RALGAPA2: variants seen among roughly 807,000 people sequenced by gnomAD.
The protein encoded by RALGAPA2 is Ral GTPase activating protein catalytic subunit alpha 2.
Under a neutral mutation model 230.4 loss-of-function variants are expected in RALGAPA2, and 139 were observed. That is an observed-to-expected ratio of 0.60 (90% CI 0.53 to 0.69). The LOEUF (loss-of-function observed/expected upper bound fraction) is 0.69. Ranked by LOEUF, RALGAPA2 falls within the 30% of genes least tolerant of loss-of-function variation. The pLI, the probability that RALGAPA2 is intolerant of heterozygous loss-of-function variation, is 0.00. For missense variants in RALGAPA2, 2,163 were observed against 2,276.0 expected (o/e 0.95, Z 1.01); for synonymous variants, 847 against 837.8 (o/e 1.01, Z -0.19).
intron 23 of RALGAPA2, among the ~76,000 whole-genome samples, chr20:20,566,545 G>C (rs1180036478): frequency 1.3e-5 from 2 of 152,136 alleles, no homozygotes; most frequent in Non-Finnish European, 2.9e-5. Context: ...AGAAATAAAT[G>C]ATGGTGTTGC....
chr20:20,685,428 G>A (rs145654088), intron 1 of RALGAPA2, among the ~76,000 whole-genome samples: 1 of 152,264 alleles, frequency 6.6e-6, no homozygotes, highest in Non-Finnish European at 1.5e-5. Flanking sequence ...TAAAGGAAAT[G>A]TTCATGAGTT....
intron 38 of RALGAPA2, among the ~76,000 whole-genome samples, chr20:20,404,279 T>C (rs1055978381): frequency 6.6e-6 from 1 of 152,212 alleles, no homozygotes; most frequent in African/African-American, 2.4e-5. Context: ...CTTCTGCTGT[T>C]TGAGGGACTT....
intron 4 of RALGAPA2, among the ~76,000 whole-genome samples, chr20:20,651,597 G>A (rs1341752793): frequency 2.6e-5 from 4 of 152,128 alleles, no homozygotes; most frequent in African/African-American, 9.7e-5. Flanking sequence ...ATTTTAACCA[G>A]TTTATGTGGT....
intron 37 of RALGAPA2, among the ~76,000 whole-genome samples, chr20:20,438,144 G>A (rs568312595): frequency 9.9e-5 from 15 of 152,216 alleles, no homozygotes; most frequent in South Asian, 4.1e-4. Flanking sequence ...ATTTCTTTCC[G>A]TTATAAATAG....
At chr20:20,522,651 T>G (rs1177428594) in intron 30 of RALGAPA2, among the ~76,000 whole-genome samples, 1 of 152,228 alleles carries the variant, frequency 6.6e-6, no homozygotes, top group Non-Finnish European at 1.5e-5. Context: ...GCATGCTCAC[T>G]TGGTAAAAAT....
chr20:20,431,734 T>C (rs879525222), intron 37 of RALGAPA2, among the ~76,000 whole-genome samples: 3 of 152,302 alleles, frequency 2.0e-5, no homozygotes, highest in South Asian at 2.1e-4. Context: ...TGTGAAGTAA[T>C]AGTTGATTAG....
chr20:20,485,531 C>A (rs971224289), intron 36 of RALGAPA2, among the ~76,000 whole-genome samples: 3 of 152,158 alleles, frequency 2.0e-5, no homozygotes, highest in African/African-American at 7.2e-5. Context: ...TCATTTGCTG[C>A]CTTCTCTAGT....
At chr20:20,653,659 T>C (rs995114799) in intron 3 of RALGAPA2, 72 bp from the exon 4 acceptor site, 1 of 858,634 alleles carries the variant, frequency 1.2e-6, no homozygotes, top group Non-Finnish European at 1.9e-6. Flanking sequence ...CCCATATTAC[T>C]CACTGTAGGT....
rs572531508 is a variant in RALGAPA2 at position 20,520,897 on chromosome 20, A to G, written c.4084+20T>C. On this transcript the variant is annotated intron_variant, in intron 31 of 39. Transcript: ENST00000202677. ...TTCCTTTTCCTTCCCACAAGATTTC[A>G]TACCTGAAAGAATACTCACCCTCTT... 6.5e-7 allele frequency: 1 copy of G among 1,535,774 alleles called. No homozygotes were observed. Among genetic ancestry groups the G allele is most frequent in the South Asian group, 1.2e-5 (1 of 82,800 alleles).
intron 38 of RALGAPA2, among the ~76,000 whole-genome samples, chr20:20,406,674 G>A (rs1008597787): frequency 7.9e-5 from 12 of 152,210 alleles, no homozygotes; most frequent in Admixed American, 5.2e-4. Flanking sequence ...TACTTTGGGA[G>A]GCTGAGGTGG....
At chr20:20,590,811 T>C (rs1291090321) in intron 17 of RALGAPA2, among the ~76,000 whole-genome samples, 2 of 152,140 alleles carry the variant, frequency 1.3e-5, no homozygotes, top group Non-Finnish European at 2.9e-5. Flanking sequence ...CCTATGTCCC[T>C]GCCCCCATCC....
chr20:20,680,517 A>G (rs543548944), intron 2 of RALGAPA2, among the ~76,000 whole-genome samples, 174 bp downstream of exon 2: 2 of 152,348 alleles, frequency 1.3e-5, no homozygotes, highest in African/African-American at 4.8e-5. Flanking sequence ...TAACATCCAT[A>G]TAAGTGAAAG....
chr20:20,673,379 C>T (rs1198372923), intron 3 of RALGAPA2, among the ~76,000 whole-genome samples: 1 of 151,738 alleles, frequency 6.6e-6, no homozygotes, highest in Non-Finnish European at 1.5e-5. Context: ...ACACCACCAC[C>T]ACTACTACTA....
At chr20:20,504,153 G>A (rs1387744887) in intron 34 of RALGAPA2, among the ~76,000 whole-genome samples, 1 of 152,112 alleles carries the variant, frequency 6.6e-6, no homozygotes, top group Admixed American at 6.5e-5. Flanking sequence ...GTGCCAAATA[G>A]AGTAAACATA....
chr20:20,539,707 G>A (rs2063592415), intron 24 of RALGAPA2, among the ~76,000 whole-genome samples: 1 of 152,026 alleles, frequency 6.6e-6, no homozygotes, highest in Non-Finnish European at 1.5e-5. Flanking sequence ...GACATCTCCC[G>A]AACTCATTCA....
At chr20:20,590,994 T>C (rs1333267276) in intron 17 of RALGAPA2, among the ~76,000 whole-genome samples, 183 bp downstream of exon 17, 1 of 152,168 alleles carries the variant, frequency 6.6e-6, no homozygotes, top group Non-Finnish European at 1.5e-5. Context: ...ATAATTTAGA[T>C]AAACAGGTTT....
intron 4 of RALGAPA2, among the ~76,000 whole-genome samples, chr20:20,645,955 T>TAA (rs11483626): frequency 1.4e-4 from 19 of 133,780 alleles, no homozygotes; most frequent in African/African-American, 4.6e-4. Flanking sequence ...TTTTTAATAA[T>TAA]AAAAAAAAAA....
intron 3 of RALGAPA2, among the ~76,000 whole-genome samples, chr20:20,669,233 T>A (rs1273221750): frequency 6.6e-6 from 1 of 152,214 alleles, no homozygotes; most frequent in Admixed American, 6.5e-5. Flanking sequence ...CATACATGTA[T>A]AACTCCAAAC....
intron 1 of RALGAPA2, among the ~76,000 whole-genome samples, chr20:20,708,632 T>A (rs764676030): frequency 3.9e-5 from 6 of 152,194 alleles, no homozygotes; most frequent in Non-Finnish European, 7.3e-5. Context: ...CTTTATAAAT[T>A]ACCCAGTCTC....
Sources: allele counts gnomAD v4.1 joint callset (sites outside exome capture counted in the v4.1 genomes callset), GRCh38; gene constraint gnomAD v4.1.1; transcripts MANE v1.5; gene names NCBI Gene and HGNC (gene_info 2026-07-23, HGNC 2026-07-21).